RNF213: variants seen among roughly 807,000 people sequenced by gnomAD.
RNF213 encodes E3 ubiquitin-protein ligase RNF213.
RNF213 carries 341 observed loss-of-function variants against 514.4 expected under a neutral mutation model. The ratio of observed to expected loss-of-function variants is 0.66; its 90% CI spans 0.61 to 0.73. RNF213 has a LOEUF of 0.73. RNF213 is among the 30% of genes least tolerant of loss of function. The probability of loss-of-function intolerance (pLI) is 0.00; values close to 1 mark genes in which losing one functional copy is unlikely to be tolerated. For missense variants in RNF213, 5,767 were observed against 6,615.6 expected, an observed-to-expected ratio of 0.87 and a Z score of 4.45; for synonymous variants, 2,655 against 2,658.2, an observed-to-expected ratio of 1.00 and a Z score of 0.04.
rs1457221473 is a variant in RNF213 at position 80,363,327 on chromosome 17, T to G, written c.11568+13T>G. On this transcript the variant is annotated intron_variant, in intron 40 of 67. Transcript: ENST00000582970. ...TGGATGTGAGATGGTATGGCCCTCC[T>G]CCGCCTGCCCTGAGCAAGCCTTGTG... The G allele has an allele frequency of 6.2e-7, 1 of 1,611,790 alleles. No homozygotes were observed.
intron 14 of RNF213, among the ~76,000 whole-genome samples, chr17:80,312,610 G>A (rs1432377955): frequency 6.6e-6 from 1 of 152,082 alleles, no homozygotes; most frequent in East Asian, 1.9e-4. Flanking sequence ...GTTTACCTCC[G>A]GGTCAGGAGC....
chr17:80,340,386 C>T (rs974282451), intron 26 of RNF213, 30 bp downstream of exon 26: 16 of 1,574,372 alleles, frequency 1.0e-5, no homozygotes, highest in Non-Finnish European at 1.3e-5. Context: ...GGGCAGGCCC[C>T]GTCTCCCAGG....
chr17:80,272,147 G>A (rs183128134), intron 2 of RNF213, among the ~76,000 whole-genome samples: 186 of 152,050 alleles, frequency 1.2e-3, no homozygotes, highest in African/African-American at 4.3e-3. Context: ...AGCCGGGTGT[G>A]GTGGCATGCA....
In RNF213 at chr17:80,368,059, G is replaced by A; in HGVS notation, c.12071G>A (p.Trp4024Ter). ...HVHCLRCLRA[W>*]FASEQMICPY... ...CACTGCCTGCGCTGCCTCAGGGCCT[G>A]GTTTGCCTCAGAGCAGATGATATGC... Residue 4024 changes from tryptophan (W) to a stop codon, truncating the protein, a stop_gained, in exon 44 of 68, where the codon TGG (tryptophan) becomes TAG (stop). Coordinates refer to ENST00000582970, the MANE Select transcript of RNF213 (RefSeq NM_001256071.3). LOFTEE classifies it high-confidence loss of function. The A allele has an allele frequency of 1.2e-6, 2 of 1,614,248 alleles. No homozygotes were observed.
chr17:80,374,004 CAAAAA>C (rs397968636), intron 49 of RNF213, among the ~76,000 whole-genome samples: 5 of 96,200 alleles, frequency 5.2e-5, no homozygotes, highest in African/African-American at 1.6e-4. Flanking sequence ...GACTCCGTCT[CAAAAA>C]AAAAAAAAAA....
At chr17:80,318,986 G>GA (rs1400402271) in intron 16 of RNF213, among the ~76,000 whole-genome samples, 1 of 152,198 alleles carries the variant, frequency 6.6e-6, no homozygotes, top group Non-Finnish European at 1.5e-5. Flanking sequence ...TGCAGAGTGG[G>GA]AAAAGAGACT....
At chr17:80,327,613 G>A (rs1012460836) in intron 18 of RNF213, among the ~76,000 whole-genome samples, 2 of 152,342 alleles carry the variant, frequency 1.3e-5, no homozygotes, top group African/African-American at 4.8e-5. Flanking sequence ...TTGTTCAGGG[G>A]ATGAATCTGG....
At position 80,389,237 on chromosome 17, in the gene RNF213, G is replaced by C. The variant is rs753541791; in HGVS notation, c.15065G>C (p.Cys5022Ser). The C allele has an allele frequency of 1.9e-6, 3 of 1,614,220 alleles. No homozygotes were observed. Among genetic ancestry groups the C allele is most frequent in the Non-Finnish European group, 2.5e-6 (3 of 1,180,018 alleles). Residue 5022 changes from cysteine to serine, a missense_variant, in exon 65 of 68, where the codon TGT (cysteine) becomes TCT (serine). This residue lies in a region of RNF213 where 1,245 missense variants were observed against 1,339.0 expected (regional missense o/e 0.93). Coordinates refer to ENST00000582970, the MANE Select transcript of RNF213 (RefSeq NM_001256071.3). The part of the protein sequence containing the change: ...SGQLQSYSDA[C>S]EVLSVVEVTL... Reference sequence around the variant, plus strand: ...CAGCTGCAGTCCTACAGCGATGCCTGTGAAGTGCTGTCTGTCGTAGAAGTC... The same window carrying C: ...CAGCTGCAGTCCTACAGCGATGCCTCTGAAGTGCTGTCTGTCGTAGAAGTC...
chr17:80,378,231 C>T (rs765850300), intron 54 of RNF213, among the ~76,000 whole-genome samples: 1 of 152,194 alleles, frequency 6.6e-6, no homozygotes, highest in African/African-American at 2.4e-5. Context: ...GATAGAATGG[C>T]AAGGTGTTGC....
chr17:80,294,054 GT>G (rs762673776), intron 8 of RNF213, among the ~76,000 whole-genome samples: 4 of 152,162 alleles, frequency 2.6e-5, no homozygotes, highest in African/African-American at 4.8e-5. Flanking sequence ...TTTTACTTCT[GT>G]TTGTAGGTCT....
intron 3 of RNF213, among the ~76,000 whole-genome samples, chr17:80,278,537 T>C (rs1236659356): frequency 2.0e-5 from 3 of 152,218 alleles, no homozygotes; most frequent in South Asian, 2.1e-4. Context: ...TACGTGGACT[T>C]GTCCTGCACG....
intron 10 of RNF213, among the ~76,000 whole-genome samples, chr17:80,297,162 T>G (rs994877864): frequency 6.7e-6 from 1 of 148,656 alleles, no homozygotes; most frequent in African/African-American, 2.6e-5. Flanking sequence ...TTTAAAAAGT[T>G]GTTTTGGGGC....
In RNF213 at chr17:80,368,056, C is replaced by T. The variant is rs1250697883; in HGVS notation, c.12068C>T (p.Ala4023Val). ...DHVHCLRCLR[A>V]WFASEQMICP... ...GTGCACTGCCTGCGCTGCCTCAGGG[C>T]CTGGTTTGCCTCAGAGCAGATGATA... Residue 4023 changes from alanine (A) to valine (V), a missense_variant, in exon 44 of 68, where the codon GCC becomes GTC. Around this residue, in one of 13 missense-constraint regions of RNF213, gnomAD observed 25 missense variants for 53.1 expected, o/e 0.47. Transcript: ENST00000582970. The T allele has an allele frequency of 3.1e-6, 5 of 1,614,256 alleles. No individual in the cohort carries two copies. In the South Asian group the frequency reaches 4.4e-5, roughly 14 times the overall value.
Position 80,339,866 on chromosome 17 carries a change from C to T in RNF213, c.5499C>T (p.Val1833=), listed in dbSNP as rs780838001. The T allele has an allele frequency of 2.1e-5, 33 of 1,536,862 alleles. No homozygotes were observed. The highest frequency in any genetic ancestry group is 3.3e-4 in the Middle Eastern group (2 of 6,012). The part of the protein sequence containing the change: ...RGLQVGQPNL[V]VCGHSEVLPA... Reference sequence around the variant, plus strand: ...TGCAGGTCGGCCAGCCCAACCTCGTCGTCTGTGGCCACTCCGAGGTGTTGC... The same window carrying T: ...TGCAGGTCGGCCAGCCCAACCTCGTTGTCTGTGGCCACTCCGAGGTGTTGC... Residue 1833 remains valine (V), a synonymous_variant, in exon 26 of 68, where the codon GTC becomes GTT. Transcript: ENST00000582970.
chr17:80,275,534 G>C (rs75842986), intron 3 of RNF213, among the ~76,000 whole-genome samples: 7,774 of 152,094 alleles, frequency 0.051, 290 homozygotes, highest in East Asian at 0.2. Context: ...ACAAATGCTC[G>C]AGCAGGACGC....
At chr17:80,332,721 G>A in intron 21 of RNF213, 90 bp downstream of exon 21, 1 of 1,402,136 alleles carries the variant, frequency 7.1e-7, no homozygotes, top group Non-Finnish European at 9.3e-7. Flanking sequence ...TTTGAAAAGG[G>A]GGGCGGATGA....
chr17:80,377,835 G>T lies in RNF213; in HGVS notation c.13545+39G>T, dbSNP rs200208573. On this transcript the variant is annotated intron_variant, in intron 54 of 67. Transcript: ENST00000582970. This position sits in a 1 kb window ranked among gnomAD's most constrained non-coding sequence, Gnocchi z 4.1. ...TTTAAGATAGGGTTTGAGGGGTGGCGTGCACTCCTGGGTTGGAGGAGGGGG... is the reference window on the plus strand; with the variant it reads ...TTTAAGATAGGGTTTGAGGGGTGGCTTGCACTCCTGGGTTGGAGGAGGGGG... 8 of 1,610,366 alleles carry T rather than the reference G, an allele frequency of 5.0e-6. No homozygotes were observed. In the East Asian group the frequency reaches 1.8e-4, roughly 36 times the overall value.
chr17:80,342,326 C>T (rs1049423259), intron 26 of RNF213, among the ~76,000 whole-genome samples: 31 of 152,122 alleles, frequency 2.0e-4, no homozygotes, highest in African/African-American at 6.3e-4. Flanking sequence ...TGCTAAGTGG[C>T]GCGGGACTCT....
At chr17:80,384,596 C>T (rs935027013) in intron 59 of RNF213, among the ~76,000 whole-genome samples, 1 of 152,168 alleles carries the variant, frequency 6.6e-6, no homozygotes, top group Non-Finnish European at 1.5e-5. Context: ...CCTGTCAATA[C>T]TGTGGCCTCT....
Sources: gnomAD v4.1 joint callset for allele counts (sites outside exome capture counted in the v4.1 genomes callset) on GRCh38, gnomAD v4.1.1 for gene constraint, gnomAD v4.1.1 regional missense constraint, Gnocchi (gnomAD v3.1) non-coding constraint, MANE v1.5 for transcripts, NCBI Gene and HGNC (gene_info 2026-07-23, HGNC 2026-07-21) for gene names.